SCUBE3: variants seen among roughly 807,000 people sequenced by gnomAD.
The protein encoded by SCUBE3 is signal peptide, CUB domain and EGF like domain containing 3.
In SCUBE3, 33 loss-of-function variants were observed where a neutral mutation model predicts 116.8. That is an observed-to-expected ratio of 0.28 (90% CI 0.21 to 0.38). The LOEUF is 0.38. Among genes scored for constraint, SCUBE3 ranks in the 10% least tolerant of loss-of-function variants. The pLI, the probability that SCUBE3 is intolerant of heterozygous loss-of-function variation, is 1.00. For missense variants in SCUBE3, 1,007 were observed against 1,324.8 expected (o/e 0.76, Z 3.72); for synonymous variants, 418 against 496.9 (o/e 0.84, Z 2.11).
chr6:35,218,698 A>C (rs1193900052), intron 1 of SCUBE3, among the ~76,000 whole-genome samples: 1 of 152,072 alleles, frequency 6.6e-6, no homozygotes, highest in Admixed American at 6.5e-5. Flanking sequence ...AACAACGGCC[A>C]ACCCAGGGAT....
chr6:35,225,765 A>G (rs1247533081), intron 1 of SCUBE3, among the ~76,000 whole-genome samples: 1 of 152,190 alleles, frequency 6.6e-6, no homozygotes, highest in Non-Finnish European at 1.5e-5. Context: ...GGTATCTATA[A>G]ATTGGAGAGA....
Position 35,235,533 on chromosome 6 carries a change from G to A in SCUBE3, c.712+2232G>A. ...TCTCTCCGCTTGCTCTCACTGGCTTGCTAGGGGAAGGGCTAACCCGCTGGG... is the reference window on the plus strand; with the variant it reads ...TCTCTCCGCTTGCTCTCACTGGCTTACTAGGGGAAGGGCTAACCCGCTGGG... On this transcript the variant is annotated intron_variant, in intron 6 of 21. Coordinates refer to ENST00000274938, the MANE Select transcript of SCUBE3 (RefSeq NM_152753.4). The surrounding 1 kb of genome is among the most constrained non-coding windows in gnomAD (Gnocchi z 4.5). 8.4e-7 allele frequency: 1 copy of A among 1,188,734 alleles called. No homozygotes were observed. Among genetic ancestry groups the A allele is most frequent in the South Asian group, 1.3e-5 (1 of 78,886 alleles). 73.6% of individuals were successfully genotyped at this position (1,188,734 alleles called of 1,614,324 possible).
chr6:35,217,337 C>T (rs545443647), intron 1 of SCUBE3, among the ~76,000 whole-genome samples: 38 of 148,134 alleles, frequency 2.6e-4, no homozygotes, highest in African/African-American at 6.4e-4. Flanking sequence ...AAAGGTCTCT[C>T]GGCCTCCAGG....
Position 35,243,604 on chromosome 6 carries a change from G to T in SCUBE3, c.1920G>T (p.Pro640=). The change falls in exon 16 of 22, where the codon CCG becomes CCT. Residue 640 remains proline (P), a synonymous_variant. Transcript: ENST00000274938. The surrounding 1 kb of genome is among the most constrained non-coding windows in gnomAD (Gnocchi z 6.6). ...CCGACTCTCCCTCAGTCAGCTGCCC[G>T]CAGGGAACGTATTACCACGGCCAGA... is the stretch of plus-strand genomic sequence containing the variant. ...HRAGTKCVSC[P]QGTYYHGQTE... is the part of the protein sequence containing the mutation. 1 of 1,609,128 alleles carries T rather than the reference G, an allele frequency of 6.2e-7. No individual in the cohort carries two copies. The highest frequency in any genetic ancestry group is 1.3e-5 in the African/African-American group (1 of 74,960).
rs1340128068 is a variant in SCUBE3 at position 35,239,546 on chromosome 6, A to AT, written c.830-205dup. ...GAGAGGGTGTTACTAATGGCCACAG[A>AT]TCCCCTGAACAGGGAAGAAACAGAG... On this transcript the variant is annotated intron_variant, in intron 7 of 21. Coordinates refer to ENST00000274938, the MANE Select transcript of SCUBE3 (RefSeq NM_152753.4). This position sits in a 1 kb window ranked among gnomAD's most constrained non-coding sequence, Gnocchi z 4.1. 6.6e-6 allele frequency among the ~76,000 whole-genome samples: 1 copy of AT among 152,204 alleles called. No homozygotes were observed. Among genetic ancestry groups the AT allele is most frequent in the African/African-American group, 2.4e-5 (1 of 41,446 alleles).
rs1784103713 is a variant in SCUBE3 at position 35,242,286 on chromosome 6, C to T, written c.1500C>T (p.Gly500=). 6.2e-7 allele frequency: 1 copy of T among 1,613,754 alleles called. No homozygotes were observed. The highest frequency in any genetic ancestry group is 1.3e-5 in the African/African-American group (1 of 74,904). Residue 500 remains glycine (G), a synonymous_variant, in exon 13 of 22, where the codon GGC becomes GGT. Coordinates refer to ENST00000274938, the MANE Select transcript of SCUBE3 (RefSeq NM_152753.4). ...AKCRLHLRNK[G]KTEEAGRITG... ...GCCGTTTGCACCTGCGAAACAAAGGCAAAACAGAGGAGGCTGGCAGAATCA... is the reference window on the plus strand; with the variant it reads ...GCCGTTTGCACCTGCGAAACAAAGGTAAAACAGAGGAGGCTGGCAGAATCA...
At chr6:35,218,134 G>A in intron 1 of SCUBE3, 1 of 985,322 alleles carries the variant, frequency 1.0e-6, no homozygotes, top group Non-Finnish European at 1.2e-6. Context: ...AGGAATCTGA[G>A]AGCATGAGAA....
Position 35,252,543 on chromosome 6 carries a change from G to C in SCUBE3, c.*3838G>C, listed in dbSNP as rs1378650852. The C allele has an allele frequency of 6.6e-6, 1 of 152,216 alleles. No homozygotes were observed. Among genetic ancestry groups the C allele is most frequent in the African/African-American group, 2.4e-5 (1 of 41,452 alleles). The allele number at this position is 152,216 out of a possible 1,614,324, so 9.4% of individuals were successfully genotyped here. On this transcript the variant is annotated 3_prime_UTR_variant, in exon 22 of 22. Transcript: ENST00000274938. Reference sequence around the variant, plus strand: ...ACCTCAATATTACAGCCACAAACAAGGGGTACCAAGACAAAGTATAACTGA... The same window carrying C: ...ACCTCAATATTACAGCCACAAACAACGGGTACCAAGACAAAGTATAACTGA...
Position 35,244,863 on chromosome 6 carries a change from T to C in SCUBE3, c.2401+52T>C. The C allele has an allele frequency of 1.9e-6, 3 of 1,577,838 alleles. No homozygotes were observed. Among genetic ancestry groups the C allele is most frequent in the Non-Finnish European group, 8.7e-7 (1 of 1,149,732 alleles). ...AGGGAGGAGAGAGGCCTGGGAGCAG[T>C]GGACATCTAAAGGAGGGGTGTGAAA... On this transcript the variant is annotated intron_variant, in intron 18 of 21. Coordinates refer to ENST00000274938, the MANE Select transcript of SCUBE3 (RefSeq NM_152753.4). The surrounding 1 kb of genome is among the most constrained non-coding windows in gnomAD (Gnocchi z 4.3).
chr6:35,237,273 G>A (rs913505382), intron 6 of SCUBE3, among the ~76,000 whole-genome samples: 4 of 152,224 alleles, frequency 2.6e-5, no homozygotes, highest in Non-Finnish European at 5.9e-5. Context: ...TTTGGGAGGA[G>A]TTGAAGGTAG....
Position 35,243,990 on chromosome 6 carries a change from T to A in SCUBE3, c.2099T>A (p.Val700Glu), listed in dbSNP as rs1232644481. ...CAGTGCCCACCTGGCCAACACTCTG[T>A]AGATGGGTTCAAGCCCTGTCAGCCA... ...AGQCPPGQHS[V>E]DGFKPCQPCP... The change falls in exon 17 of 22, where the codon GTA becomes GAA. Residue 700 changes from valine to glutamate, a missense_variant. This residue lies in a region of SCUBE3 where 544 missense variants were observed against 638.9 expected (regional missense o/e 0.85). Coordinates refer to ENST00000274938, the MANE Select transcript of SCUBE3 (RefSeq NM_152753.4). This position sits in a 1 kb window ranked among gnomAD's most constrained non-coding sequence, Gnocchi z 6.6. 6.2e-7 allele frequency: 1 copy of A among 1,613,968 alleles called. No homozygotes were observed.
At position 35,246,042 on chromosome 6, in the gene SCUBE3, A is replaced by T; in HGVS notation, c.2698A>T (p.Thr900Ser). ...RSRKLWINFK[T>S]SEANSARGFQ... Reference sequence around the variant, plus strand: ...CAGGAAGCTCTGGATCAACTTCAAGACAAGCGAGGCCAACAGCGCCCGTGG... The same window carrying T: ...CAGGAAGCTCTGGATCAACTTCAAGTCAAGCGAGGCCAACAGCGCCCGTGG... Residue 900 changes from threonine (T) to serine (S), a missense_variant, in exon 20 of 22, where the codon ACA becomes TCA. This residue lies in a region of SCUBE3 where 118 missense variants were observed against 196.6 expected (regional missense o/e 0.60). Transcript: ENST00000274938. 1 of 1,614,066 alleles carries T rather than the reference A, an allele frequency of 6.2e-7. No individual in the cohort carries two copies. Among genetic ancestry groups the T allele is most frequent in the Non-Finnish European group, 8.5e-7 (1 of 1,179,998 alleles).
At position 35,233,003 on chromosome 6, in the gene SCUBE3, C is replaced by T. The variant is rs1193997386; in HGVS notation, c.595+28C>T. 6.2e-7 allele frequency: 1 copy of T among 1,612,140 alleles called. No homozygotes were observed. Among genetic ancestry groups the T allele is most frequent in the Non-Finnish European group, 8.5e-7 (1 of 1,178,804 alleles). ...GAGATAATTGGGATGGCAGGTGGGGCAGTGGGGTCGGGGGTGAAAACATAG... is the reference window on the plus strand; with the variant it reads ...GAGATAATTGGGATGGCAGGTGGGGTAGTGGGGTCGGGGGTGAAAACATAG... On this transcript the variant is annotated intron_variant, in intron 5 of 21. Coordinates refer to ENST00000274938, the MANE Select transcript of SCUBE3 (RefSeq NM_152753.4). The surrounding 1 kb of genome is among the most constrained non-coding windows in gnomAD (Gnocchi z 5.7).
Position 35,241,728 on chromosome 6 carries a change from C to T in SCUBE3, c.1312+69C>T. On this transcript the variant is annotated intron_variant, in intron 11 of 21. Coordinates refer to ENST00000274938, the MANE Select transcript of SCUBE3 (RefSeq NM_152753.4). This position sits in a 1 kb window ranked among gnomAD's most constrained non-coding sequence, Gnocchi z 4.1. ...GGAAGGACTGGCCGTTCAGGCAGCT[C>T]CTTCATTCCCCCTGGATTCCTCCAG... 1 of 1,496,254 alleles carries T rather than the reference C, an allele frequency of 6.7e-7. No individual in the cohort carries two copies. Among genetic ancestry groups the T allele is most frequent in the Non-Finnish European group, 9.3e-7 (1 of 1,072,520 alleles). The allele number at this position is 1,496,254 out of a possible 1,614,324, so 92.7% of individuals were successfully genotyped here.
rs1784314740 is a variant in SCUBE3 at position 35,245,859 on chromosome 6, C to T, written c.2600-85C>T. 2.8e-6 allele frequency: 4 copies of T among 1,415,594 alleles called. No individual in the cohort carries two copies. In the African/African-American group the frequency reaches 4.3e-5, roughly 15 times the overall value. 87.7% of individuals were successfully genotyped at this position (1,415,594 alleles called of 1,614,324 possible). A position where few individuals can be genotyped will look rare whatever the true frequency, so the allele number is the denominator to read the frequency against. On this transcript the variant is annotated intron_variant, in intron 19 of 21. Coordinates refer to ENST00000274938, the MANE Select transcript of SCUBE3 (RefSeq NM_152753.4). This position sits in a 1 kb window ranked among gnomAD's most constrained non-coding sequence, Gnocchi z 4.2. Reference sequence around the variant, plus strand: ...AGAATGATTCTCTTGCCCTATACCCCCACCACCAGCTGTACAGCCCACGTT... The same window carrying T: ...AGAATGATTCTCTTGCCCTATACCCTCACCACCAGCTGTACAGCCCACGTT...
At chr6:35,223,696 G>A (rs1213898147) in intron 1 of SCUBE3, 1 of 152,234 alleles carries the variant, frequency 6.6e-6, no homozygotes, top group Non-Finnish European at 1.5e-5. Flanking sequence ...CAGCTAGTAA[G>A]CACCTGCATC....
At position 35,246,005 on chromosome 6, in the gene SCUBE3, C is replaced by T. The variant is rs1317395351; in HGVS notation, c.2661C>T (p.Phe887=). The change falls in exon 20 of 22, where the codon TTC becomes TTT. Residue 887 remains phenylalanine (F), a synonymous_variant. Coordinates refer to ENST00000274938, the MANE Select transcript of SCUBE3 (RefSeq NM_152753.4). ...AGACCTACGAGCGTCCCATTGCCTT[C>T]ACTGCCCGTTCCAGGAAGCTCTGGA... is the stretch of plus-strand genomic sequence containing the variant. ...TCQTYERPIA[F]TARSRKLWIN... 6.2e-7 allele frequency: 1 copy of T among 1,614,206 alleles called. No homozygotes were observed.
intron 6 of SCUBE3, 39 bp from the exon 7 acceptor site, chr6:35,237,863 T>G (rs1243426015): frequency 7.5e-7 from 1 of 1,339,740 alleles, no homozygotes; most frequent in Non-Finnish European, 1.1e-6. Flanking sequence ...CCTCCAGGCT[T>G]GTAACCTCAT....
At position 35,242,755 on chromosome 6, in the gene SCUBE3, A is replaced by G; in HGVS notation, c.1668A>G (p.Ala556=). ...CAAGGCTCACCCTGGAACTGGAGGC[A>G]GAGGTCAGAGCCGAAGAAACCACAG... is the stretch of plus-strand genomic sequence containing the variant. The part of the protein sequence containing the change: ...EVTRLTLELE[A]EVRAEETTAS... The change falls in exon 14 of 22, where the codon GCA becomes GCG. Residue 556 remains alanine (A), a synonymous_variant. Coordinates refer to ENST00000274938, the MANE Select transcript of SCUBE3 (RefSeq NM_152753.4). The G allele has an allele frequency of 1.2e-6, 2 of 1,613,974 alleles. No individual in the cohort carries two copies. The highest frequency in any genetic ancestry group is 8.5e-7 in the Non-Finnish European group (1 of 1,179,842).
Sources: allele counts gnomAD v4.1 joint callset (sites outside exome capture counted in the v4.1 genomes callset), GRCh38; gene constraint gnomAD v4.1.1; regional missense constraint gnomAD v4.1.1; non-coding constraint Gnocchi (gnomAD v3.1); transcripts MANE v1.5; gene names NCBI Gene and HGNC (gene_info 2026-07-23, HGNC 2026-07-21).